Variants in PTPRD observed in about 807,000 individuals in gnomAD.
PTPRD encodes the protein receptor-type tyrosine-protein phosphatase delta.
PTPRD carries 34 observed loss-of-function variants against 214.5 expected under a neutral mutation model. The observed-to-expected ratio is 0.16, with a 90% CI of 0.12 to 0.21. The LOEUF (loss-of-function observed/expected upper bound fraction) is 0.21. Ranked by LOEUF, PTPRD falls within the 10% of genes least tolerant of loss-of-function variation. The pLI is 1.00. For synonymous variants in PTPRD, 1,128 were observed against 845.7 expected (o/e 1.33, Z -5.79); for missense variants, 2,545 against 2,398.7 (o/e 1.06, Z -1.27).
chr9:9,195,935 A>T (rs1466422745), intron 9 of PTPRD, among the ~76,000 whole-genome samples: 1 of 152,162 alleles, frequency 6.6e-6, no homozygotes, highest in Non-Finnish European at 1.5e-5. Context: ...AAAATATTTT[A>T]AAAATCTGAG....
intron 11 of PTPRD, among the ~76,000 whole-genome samples, chr9:9,008,817 C>T (rs2099494583): frequency 6.6e-6 from 1 of 152,024 alleles, no homozygotes; most frequent in South Asian, 2.1e-4. Context: ...TTTTGAGAAC[C>T]CTTGTAAAAC....
At chr9:8,389,015 C>G (rs2088410577) in intron 37 of PTPRD, among the ~76,000 whole-genome samples, 1 of 147,634 alleles carries the variant, frequency 6.8e-6, no homozygotes, top group South Asian at 2.1e-4. Flanking sequence ...TTTTTAGCAA[C>G]CACACACATC....
At position 10,078,234 on chromosome 9, in the gene PTPRD, C is replaced by T. The variant is rs182906674; in HGVS notation, c.-544-44444G>A. The stretch of plus-strand genomic sequence containing the variant: ...GGGTTAGAAAGAACCCACCTAGGGC[C>T]GGGCACAGTGGCTTACGCATGTAAT... On this transcript the variant is annotated intron_variant, in intron 3 of 45. Transcript: ENST00000381196. Among the ~76,000 whole-genome samples, 51 of 151,122 alleles carry T rather than the reference C, an allele frequency of 3.4e-4. 1 individual carries two copies. In the East Asian group the frequency reaches 6.7e-3, roughly 20 times the overall value.
intron 8 of PTPRD, among the ~76,000 whole-genome samples, chr9:9,432,387 A>T (rs1049888578): frequency 1.3e-5 from 2 of 152,190 alleles, no homozygotes; most frequent in Admixed American, 1.3e-4. Context: ...ATGGTGAGCC[A>T]AAGGAACTAA....
At chr9:10,234,010 T>C (rs995122223) in intron 3 of PTPRD, among the ~76,000 whole-genome samples, 2 of 151,580 alleles carry the variant, frequency 1.3e-5, no homozygotes, top group Non-Finnish European at 2.9e-5. Flanking sequence ...CCCAGCACTT[T>C]TGGAGGCCGA....
At position 10,491,299 on chromosome 9, in the gene PTPRD, C is replaced by G. The variant is rs865839026; in HGVS notation, c.-600+121099G>C. On this transcript the variant is annotated intron_variant, in intron 2 of 45. Transcript: ENST00000381196. The stretch of plus-strand genomic sequence containing the variant: ...AAATTTAATGGACAAGACCACCTTT[C>G]TTTTCATTGAGGAATACATGTTTCT... Among the ~76,000 whole-genome samples, 65 of 152,156 alleles carry G rather than the reference C, an allele frequency of 4.3e-4. 1 individual carries two copies. The highest frequency in any genetic ancestry group is 3.4e-3 in the Middle Eastern group (1 of 292).
intron 12 of PTPRD, among the ~76,000 whole-genome samples, chr9:8,672,389 A>T (rs1368340858): frequency 6.6e-6 from 1 of 152,110 alleles, no homozygotes; most frequent in Non-Finnish European, 1.5e-5. Flanking sequence ...TTGACACTAC[A>T]CATATCTACA....
intron 2 of PTPRD, among the ~76,000 whole-genome samples, chr9:10,384,450 G>T (rs1267818790): frequency 2.0e-5 from 3 of 151,518 alleles, no homozygotes; most frequent in African/African-American, 7.3e-5. Context: ...AATGTTAATT[G>T]AATCAATAAT....
chr9:10,423,269 C>T (rs2098566535), intron 2 of PTPRD, among the ~76,000 whole-genome samples: 1 of 151,884 alleles, frequency 6.6e-6, no homozygotes, highest in African/African-American at 2.4e-5. Flanking sequence ...AACACTTGGA[C>T]ACAGGGTGGG....
chr9:9,807,726 T>C (rs929138053), intron 5 of PTPRD, among the ~76,000 whole-genome samples: 10 of 152,294 alleles, frequency 6.6e-5, no homozygotes, highest in African/African-American at 4.8e-5. Context: ...TACAAAAATA[T>C]AGTGATTCTT....
chr9:8,985,682 A>C (rs914026009), intron 11 of PTPRD, among the ~76,000 whole-genome samples: 9 of 152,024 alleles, frequency 5.9e-5, no homozygotes, highest in African/African-American at 1.9e-4. Context: ...TAGGTGGTAA[A>C]GCTGGGATAC....
intron 10 of PTPRD, among the ~76,000 whole-genome samples, chr9:9,092,611 A>C (rs180764551): frequency 1.1e-4 from 17 of 152,232 alleles, no homozygotes; most frequent in Middle Eastern, 3.4e-3. Flanking sequence ...TAACACATGA[A>C]AAAGTTATGA....
intron 2 of PTPRD, among the ~76,000 whole-genome samples, chr9:10,604,983 A>G (rs2078927472): frequency 6.6e-6 from 1 of 151,738 alleles, no homozygotes; most frequent in African/African-American, 2.4e-5. Flanking sequence ...AAAAAAGGAA[A>G]CTCTTCAAAC....
At chr9:9,603,367 T>G in intron 7 of PTPRD, among the ~76,000 whole-genome samples, 1 of 152,096 alleles carries the variant, frequency 6.6e-6, no homozygotes, top group Non-Finnish European at 1.5e-5. Context: ...AGTACCAGCT[T>G]TGAGAATCAG....
intron 11 of PTPRD, among the ~76,000 whole-genome samples, chr9:8,895,850 C>CA (rs1250523357): frequency 6.6e-6 from 1 of 152,186 alleles, no homozygotes; most frequent in African/African-American, 2.4e-5. Context: ...ATACATTTCA[C>CA]ATTAAAGTTG....
intron 2 of PTPRD, among the ~76,000 whole-genome samples, chr9:10,392,063 C>T (rs1259315037): frequency 6.6e-6 from 1 of 151,834 alleles, no homozygotes; most frequent in Non-Finnish European, 1.5e-5. Flanking sequence ...CATAGCATTT[C>T]ATCACTACTG....
intron 39 of PTPRD, among the ~76,000 whole-genome samples, chr9:8,368,593 A>G (rs7863871): frequency 0.9 from 136,934 of 151,802 alleles, 61,813 homozygotes; most frequent in African/African-American, 0.93. Context: ...GGCAGCCAGA[A>G]TGCTCTTCCT....
At chr9:10,472,739 T>C (rs1290554280) in intron 2 of PTPRD, among the ~76,000 whole-genome samples, 2 of 152,072 alleles carry the variant, frequency 1.3e-5, no homozygotes, top group Non-Finnish European at 2.9e-5. Context: ...CTCTTATACA[T>C]GGAGAATACT....
At chr9:8,605,036 C>G (rs1427409325) in intron 14 of PTPRD, among the ~76,000 whole-genome samples, 2 of 152,164 alleles carry the variant, frequency 1.3e-5, no homozygotes, top group East Asian at 3.9e-4. Flanking sequence ...AAACTGCCAT[C>G]TTTTAATCTA....
Sources: allele counts gnomAD v4.1 joint callset (sites outside exome capture counted in the v4.1 genomes callset), GRCh38; gene constraint gnomAD v4.1.1; transcripts MANE v1.5; gene names NCBI Gene and HGNC (gene_info 2026-07-23, HGNC 2026-07-21).